Variants in SLC2A13 observed in about 807,000 individuals in gnomAD.
The protein encoded by SLC2A13 is solute carrier family 2 member 13.
SLC2A13 carries 32 observed loss-of-function variants against 64.4 expected under a neutral mutation model. The ratio of observed to expected loss-of-function variants is 0.50; its 90% CI spans 0.37 to 0.67. The LOEUF is 0.67. Ranked by LOEUF, SLC2A13 falls within the 30% of genes least tolerant of loss-of-function variation. The probability of loss-of-function intolerance (pLI) is 0.00; values close to 1 mark genes in which losing one functional copy is unlikely to be tolerated. For missense variants in SLC2A13, 743 were observed against 829.2 expected, an observed-to-expected ratio of 0.90 and a Z score of 1.28; for synonymous variants, 338 against 327.1, an observed-to-expected ratio of 1.03 and a Z score of -0.36.
At chr12:39,799,902 A>G (rs1344122895) in intron 7 of SLC2A13, among the ~76,000 whole-genome samples, 1 of 152,238 alleles carries the variant, frequency 6.6e-6, no homozygotes, top group African/African-American at 2.4e-5. Context: ...AATTTACAAC[A>G]GAATAATGTG....
chr12:39,788,686 A>T (rs971162976), intron 7 of SLC2A13: 2 of 152,166 alleles, frequency 1.3e-5, no homozygotes, highest in Non-Finnish European at 2.9e-5. Flanking sequence ...AACTTTAGGA[A>T]TCATCTAAAA....
chr12:39,808,856 T>C (rs1592157288), intron 7 of SLC2A13, among the ~76,000 whole-genome samples: 1 of 152,192 alleles, frequency 6.6e-6, no homozygotes, highest in East Asian at 1.9e-4. Flanking sequence ...ACTTCCGGTC[T>C]GTGGCTTGGG....
At chr12:39,983,224 C>A (rs888704596) in intron 3 of SLC2A13, among the ~76,000 whole-genome samples, 2 of 145,642 alleles carry the variant, frequency 1.4e-5, no homozygotes, top group East Asian at 2.2e-4. Context: ...CCATAAAAAC[C>A]CTAGAAGAAA....
At chr12:39,900,184 C>T (rs1004920493) in intron 4 of SLC2A13, among the ~76,000 whole-genome samples, 12 of 151,964 alleles carry the variant, frequency 7.9e-5, no homozygotes, top group African/African-American at 2.2e-4. Flanking sequence ...ATTGATGGGA[C>T]GTATCTCAAA....
chr12:40,079,431 G>A (rs961426626), intron 1 of SLC2A13, among the ~76,000 whole-genome samples: 5 of 152,094 alleles, frequency 3.3e-5, no homozygotes, highest in Admixed American at 3.3e-4. Context: ...GGATCTTCTT[G>A]GTATTGATTT....
intron 7 of SLC2A13, among the ~76,000 whole-genome samples, chr12:39,795,019 C>T (rs1378622233): frequency 6.6e-6 from 1 of 152,108 alleles, no homozygotes; most frequent in Non-Finnish European, 1.5e-5. Flanking sequence ...TGGATATTGT[C>T]TTACTGCTGG....
intron 3 of SLC2A13, among the ~76,000 whole-genome samples, chr12:39,987,742 C>T (rs1424241350): frequency 1.3e-5 from 2 of 151,974 alleles, no homozygotes; most frequent in Non-Finnish European, 2.9e-5. Flanking sequence ...TCATCGGATT[C>T]CTGGGATTAT....
intron 4 of SLC2A13, among the ~76,000 whole-genome samples, chr12:39,909,001 TTTAC>T (rs1316773258): frequency 5.3e-5 from 8 of 152,056 alleles, no homozygotes; most frequent in Admixed American, 3.9e-4. Flanking sequence ...AGAGTTTTTT[TTTAC>T]TTGATTATAT....
At chr12:40,047,850 T>C (rs1467314862) in intron 2 of SLC2A13, among the ~76,000 whole-genome samples, 1 of 152,170 alleles carries the variant, frequency 6.6e-6, no homozygotes, top group East Asian at 1.9e-4. Context: ...AAATATCAAT[T>C]CTTAATGGTA....
In SLC2A13 at chr12:39,757,262, T is replaced by C. The variant is rs1190256856; in HGVS notation, c.*2764A>G. 6.6e-6 allele frequency: 1 copy of C among 151,880 alleles called. No homozygotes were observed. Among genetic ancestry groups the C allele is most frequent in the Non-Finnish European group, 1.5e-5 (1 of 67,746 alleles). 9.4% of individuals were successfully genotyped at this position (151,880 alleles called of 1,614,324 possible). On this transcript the variant is annotated 3_prime_UTR_variant, in exon 10 of 10. Transcript: ENST00000280871. Reference sequence around the variant, plus strand: ...TCTGCAGCATGTTTCAAAGGAAGTCTGTAATTTTGGTTGAAAGCATGATAC... The same window carrying C: ...TCTGCAGCATGTTTCAAAGGAAGTCCGTAATTTTGGTTGAAAGCATGATAC...
At chr12:39,859,330 T>TTTC (rs1943693494) in intron 6 of SLC2A13, among the ~76,000 whole-genome samples, 1 of 110,144 alleles carries the variant, frequency 9.1e-6, no homozygotes, top group African/African-American at 3.9e-5. Flanking sequence ...TTTTTTTTTT[T>TTTC]CTGAAAAAAA....
At chr12:39,829,713 TA>T (rs1942801361) in intron 7 of SLC2A13, 2 of 242,316 alleles carry the variant, frequency 8.3e-6, no homozygotes, top group African/African-American at 4.5e-5. Context: ...GTGCCCAACC[TA>T]ACGTGATAGT....
chr12:40,094,186 G>A (rs1424989616), intron 1 of SLC2A13, among the ~76,000 whole-genome samples: 1 of 152,206 alleles, frequency 6.6e-6, no homozygotes, highest in African/African-American at 2.4e-5. Context: ...GCAAGCCCCA[G>A]GAGGAATGCT....
chr12:39,796,773 G>A (rs1435831200), intron 7 of SLC2A13, among the ~76,000 whole-genome samples: 1 of 152,128 alleles, frequency 6.6e-6, no homozygotes, highest in Non-Finnish European at 1.5e-5. Context: ...CAATAAGAAT[G>A]TAGCATCATT....
chr12:40,096,429 T>C (rs1009176409), intron 1 of SLC2A13, among the ~76,000 whole-genome samples: 1 of 152,020 alleles, frequency 6.6e-6, no homozygotes, highest in Non-Finnish European at 1.5e-5. Context: ...ATTTTTCCAA[T>C]CTGTTGCCTT....
intron 1 of SLC2A13, among the ~76,000 whole-genome samples, chr12:40,092,633 C>T (rs917110035): frequency 6.6e-6 from 1 of 152,164 alleles, no homozygotes; most frequent in Non-Finnish European, 1.5e-5. Flanking sequence ...TGGCCCAATA[C>T]AGATGCTCAA....
At chr12:40,089,656 T>C (rs1374770304) in intron 1 of SLC2A13, among the ~76,000 whole-genome samples, 2 of 152,184 alleles carry the variant, frequency 1.3e-5, no homozygotes, top group African/African-American at 4.8e-5. Flanking sequence ...CTCCTAGTGT[T>C]CTCTGTAAGG....
intron 6 of SLC2A13, among the ~76,000 whole-genome samples, chr12:39,835,409 C>T (rs1177338529): frequency 1.3e-5 from 2 of 151,974 alleles, no homozygotes; most frequent in Non-Finnish European, 2.9e-5. Flanking sequence ...ATTTCAAGGG[C>T]AGAAATTATA....
chr12:39,832,223 A>C (rs1169073897), intron 6 of SLC2A13, among the ~76,000 whole-genome samples: 1 of 152,160 alleles, frequency 6.6e-6, no homozygotes, highest in Non-Finnish European at 1.5e-5. Flanking sequence ...GGCTTTGAGA[A>C]CCAGACTAGG....
Sources: allele counts gnomAD v4.1 joint callset (sites outside exome capture counted in the v4.1 genomes callset), GRCh38; gene constraint gnomAD v4.1.1; transcripts MANE v1.5; gene names NCBI Gene and HGNC (gene_info 2026-07-23, HGNC 2026-07-21).